Variants in PARD3 observed in about 807,000 individuals in gnomAD.
PARD3 encodes the protein par-3 family cell polarity regulator.
In PARD3, 75 loss-of-function variants were observed where a neutral mutation model predicts 155.4. The ratio of observed to expected loss-of-function variants is 0.48; its 90% CI spans 0.40 to 0.58. The LOEUF (loss-of-function observed/expected upper bound fraction) is 0.58, where lower values mean the gene tolerates loss of function less well. PARD3 is among the 20% of genes least tolerant of loss of function. The pLI, the probability that PARD3 is intolerant of heterozygous loss-of-function variation, is 0.00. For synonymous variants in PARD3, 576 were observed against 610.5 expected (o/e 0.94, Z 0.83); for missense variants, 1,642 against 1,721.7 (o/e 0.95, Z 0.82).
At chr10:34,573,973 A>G (rs2086682285) in intron 2 of PARD3, among the ~76,000 whole-genome samples, 1 of 152,150 alleles carries the variant, frequency 6.6e-6, no homozygotes, top group African/African-American at 2.4e-5. Flanking sequence ...TTGGATTGAT[A>G]TTTTTATTAT....
chr10:34,670,321 C>T (rs2093587813), intron 2 of PARD3, among the ~76,000 whole-genome samples: 1 of 152,230 alleles, frequency 6.6e-6, no homozygotes, highest in East Asian at 1.9e-4. Flanking sequence ...CTCGCCAGGC[C>T]GCCGCTGGCT....
chr10:34,239,572 C>A (rs377006599), intron 22 of PARD3, among the ~76,000 whole-genome samples: 2 of 151,964 alleles, frequency 1.3e-5, no homozygotes, highest in African/African-American at 4.8e-5. Flanking sequence ...GAGGCCGAGG[C>A]GGGTGGATCA....
chr10:34,188,063 A>C (rs1950560322), intron 22 of PARD3, among the ~76,000 whole-genome samples: 1 of 152,224 alleles, frequency 6.6e-6, no homozygotes, highest in Admixed American at 6.5e-5. Context: ...GTTCAGCATA[A>C]ATCATGTGTT....
chr10:34,235,654 C>T (rs1166089472), intron 22 of PARD3, among the ~76,000 whole-genome samples: 1 of 152,176 alleles, frequency 6.6e-6, no homozygotes, highest in East Asian at 1.9e-4. Flanking sequence ...GTGAATGTGA[C>T]TGGCATGAAA....
At chr10:34,171,950 CAAAAAAAAAAAAAAAAAAA>C (rs71033303) in intron 22 of PARD3, among the ~76,000 whole-genome samples, 3 of 47,244 alleles carry the variant, frequency 6.4e-5, no homozygotes, top group South Asian at 1.4e-3. Context: ...GACTCCATCT[CAAAAAAAAAAAAAAAAAAA>C]AAAAAAAAAA....
At chr10:34,492,070 A>C (rs1033769645) in intron 3 of PARD3, among the ~76,000 whole-genome samples, 1 of 152,246 alleles carries the variant, frequency 6.6e-6, no homozygotes, top group Non-Finnish European at 1.5e-5. Flanking sequence ...GTGTGGAAAA[A>C]GAGAAAAATT....
intron 2 of PARD3, among the ~76,000 whole-genome samples, chr10:34,642,783 T>C (rs576362858): frequency 4.5e-4 from 68 of 152,132 alleles, no homozygotes; most frequent in African/African-American, 1.3e-3. Context: ...CCACTGCTGG[T>C]CAGAGCTACC....
At chr10:34,156,137 TCTAA>T (rs1217470003) in intron 22 of PARD3, among the ~76,000 whole-genome samples, 6 of 152,300 alleles carry the variant, frequency 3.9e-5, no homozygotes, top group East Asian at 3.9e-4. Context: ...AGAGACAGAA[TCTAA>T]CTGTCACCCA....
intron 1 of PARD3, among the ~76,000 whole-genome samples, chr10:34,806,659 G>C (rs7095898): frequency 0.35 from 53,777 of 152,098 alleles, 10,676 homozygotes; most frequent in African/African-American, 0.55. Flanking sequence ...CCCTAACTCT[G>C]AATAGCATCC....
chr10:34,148,873 T>G (rs1348511655), intron 22 of PARD3, among the ~76,000 whole-genome samples: 1 of 151,962 alleles, frequency 6.6e-6, no homozygotes, highest in Non-Finnish European at 1.5e-5. Context: ...AGTTTTTTTT[T>G]GTTTGTTTTT....
intron 22 of PARD3, among the ~76,000 whole-genome samples, chr10:34,146,408 A>G: frequency 6.6e-6 from 1 of 152,190 alleles, no homozygotes; most frequent in Non-Finnish European, 1.5e-5. Context: ...TTTCTGTATT[A>G]CTTTTTTACA....
intron 1 of PARD3, among the ~76,000 whole-genome samples, chr10:34,804,409 T>C (rs764343176): frequency 6.6e-6 from 1 of 152,240 alleles, no homozygotes; most frequent in Non-Finnish European, 1.5e-5. Context: ...CCAAATCCTA[T>C]GTTCAACATT....
At chr10:34,513,524 G>C (rs182588531) in intron 3 of PARD3, among the ~76,000 whole-genome samples, 280 of 152,164 alleles carry the variant, frequency 1.8e-3, no homozygotes, top group African/African-American at 6.5e-3. Flanking sequence ...ATCATGATTC[G>C]CCCACCTTGG....
rs144135145 is a variant in PARD3, at chr10:34,207,446, C to T, written c.3419+62211G>A. ...GACACAGAAAAAGTGAAACCCCAGC[C>T]GTGGGGTTCTGGCAAAAGCATTTCC... On this transcript the variant is annotated intron_variant, in intron 22 of 24. Transcript: ENST00000374788. Among the ~76,000 whole-genome samples the T allele has an allele frequency of 1.2e-3, 190 of 152,206 alleles. 1 individual carries two copies. The highest frequency in any genetic ancestry group is 4.0e-3 in the African/African-American group (165 of 41,544).
chr10:34,550,622 C>T (rs1261454393), intron 2 of PARD3, among the ~76,000 whole-genome samples: 1 of 152,010 alleles, frequency 6.6e-6, no homozygotes, highest in African/African-American at 2.4e-5. Context: ...AATCATTGTT[C>T]ACAGAAGCTT....
intron 5 of PARD3, among the ~76,000 whole-genome samples, chr10:34,420,766 A>G (rs1846108932): frequency 6.6e-6 from 1 of 152,240 alleles, no homozygotes; most frequent in South Asian, 2.1e-4. Flanking sequence ...TTTATAACAA[A>G]TATGTAAGCA....
intron 3 of PARD3, among the ~76,000 whole-genome samples, chr10:34,514,591 G>C (rs1301090466): frequency 6.6e-6 from 1 of 152,126 alleles, no homozygotes; most frequent in Non-Finnish European, 1.5e-5. Context: ...CTAAACCTTA[G>C]CATACCAAAA....
At chr10:34,752,745 G>A (rs926536714) in intron 1 of PARD3, among the ~76,000 whole-genome samples, 5 of 152,166 alleles carry the variant, frequency 3.3e-5, no homozygotes, top group East Asian at 1.9e-4. Context: ...GAAGGCGGAC[G>A]CTATTACCAG....
intron 2 of PARD3, among the ~76,000 whole-genome samples, chr10:34,605,280 C>T (rs1353217969): frequency 2.8e-5 from 4 of 144,960 alleles, no homozygotes; most frequent in Non-Finnish European, 3.0e-5. Flanking sequence ...GCAAGCTCCA[C>T]CTCCGGGGTT....
Sources: allele counts gnomAD v4.1 joint callset (sites outside exome capture counted in the v4.1 genomes callset), GRCh38; gene constraint gnomAD v4.1.1; transcripts MANE v1.5; gene names NCBI Gene and HGNC (gene_info 2026-07-23, HGNC 2026-07-21).